PCDH15: variants seen among roughly 807,000 people sequenced by gnomAD.
PCDH15 encodes the protein protocadherin-15.
PCDH15 carries 129 observed loss-of-function variants against 178.5 expected under a neutral mutation model. The ratio of observed to expected loss-of-function variants is 0.72; its 90% CI spans 0.63 to 0.84. The LOEUF (loss-of-function observed/expected upper bound fraction) is 0.84, where lower values mean the gene tolerates loss of function less well. Among genes scored for constraint, PCDH15 ranks in the 40% least tolerant of loss-of-function variants. The pLI, the probability that PCDH15 is intolerant of heterozygous loss-of-function variation, is 0.00. For synonymous variants in PCDH15, 800 were observed against 732.0 expected (o/e 1.09, Z -1.50); for missense variants, 2,230 against 2,099.9 (o/e 1.06, Z -1.21).
upstream of PCDH15, among the ~76,000 whole-genome samples, chr10:55,322,129 C>T (rs1843917251): frequency 6.6e-6 from 1 of 152,184 alleles, no homozygotes; most frequent in East Asian, 1.9e-4. Context: ...ATCCCCCACA[C>T]TGTTCTTGGG....
At chr10:53,873,989 C>T (rs2080047701) in intron 26 of PCDH15, among the ~76,000 whole-genome samples, 2 of 152,124 alleles carry the variant, frequency 1.3e-5, no homozygotes, top group South Asian at 4.1e-4. Context: ...GGCTTCCCTG[C>T]CTCCAGAACT....
At chr10:55,432,114 C>CACACACACACAA (rs71014487) in intron 2 of PCDH15, among the ~76,000 whole-genome samples, 1 of 146,990 alleles carries the variant, frequency 6.8e-6, no homozygotes, top group Non-Finnish European at 1.5e-5. Context: ...CACACACACA[C>CACACACACACAA]CACAAGTCTC....
rs181455045 is a variant in PCDH15 at position 55,460,796 on chromosome 10, T to C, written c.-156+166829A>G. On this transcript the variant is annotated intron_variant, in intron 2 of 5. Transcript: ENST00000613346. ...TGTATGCCAGACATTGTATATTTTA[T>C]CTCATTCAGTGCTGGATATTTTTCT... Among the ~76,000 whole-genome samples, 370 of 152,232 alleles carry C rather than the reference T, an allele frequency of 2.4e-3. 3 individuals are homozygous for C. The highest frequency in any genetic ancestry group is 8.6e-3 in the African/African-American group (359 of 41,552).
intron 2 of PCDH15, among the ~76,000 whole-genome samples, chr10:54,918,172 C>G (rs764321441): frequency 7.9e-5 from 12 of 152,082 alleles, no homozygotes; most frequent in Admixed American, 2.0e-4. Flanking sequence ...TGACCATACG[C>G]TTCTATTAAT....
chr10:54,996,758 T>C (rs571528476), intron 2 of PCDH15, among the ~76,000 whole-genome samples: 33 of 152,296 alleles, frequency 2.2e-4, no homozygotes, highest in Admixed American at 3.3e-4. Context: ...CATGATGTTC[T>C]TCTGAGATGC....
intron 1 of PCDH15, among the ~76,000 whole-genome samples, chr10:54,761,847 G>A (rs1280723490): frequency 6.6e-6 from 1 of 152,164 alleles, no homozygotes; most frequent in Non-Finnish European, 1.5e-5. Context: ...AAGCTTTGCA[G>A]AGGAGCTTTT....
Position 55,538,895 on chromosome 10 carries a change from C to T in PCDH15, c.-156+88730G>A, listed in dbSNP as rs1292286765. Among the ~76,000 whole-genome samples the T allele has an allele frequency of 7.6e-5, 4 of 52,660 alleles. 1 individual carries two copies. Among genetic ancestry groups the T allele is most frequent in the African/African-American group, 3.7e-4 (4 of 10,868 alleles). 34.5% of individuals were successfully genotyped at this position (52,660 alleles called of 152,430 possible). On this transcript the variant is annotated intron_variant, in intron 2 of 5. Transcript: ENST00000613346. ...CTTCCTTCCTCCCTTCCTTCCTTTCCTTCCTTCCTTCCTCCTTTCCTTCCT... is the reference window on the plus strand; with the variant it reads ...CTTCCTTCCTCCCTTCCTTCCTTTCTTTCCTTCCTTCCTCCTTTCCTTCCT...
intron 2 of PCDH15, among the ~76,000 whole-genome samples, chr10:55,077,398 T>TCTTCCTTCCCTCCTTCCTTC (rs1841923657): frequency 7.3e-6 from 1 of 137,530 alleles, no homozygotes; most frequent in African/African-American, 2.9e-5. Flanking sequence ...TGGTTTTCTC[T>TCTTCCTTCCCTCCTTCCTTC]CTTCCTTCCT....
At chr10:54,009,959 A>C (rs2092519814) in intron 20 of PCDH15, among the ~76,000 whole-genome samples, 1 of 152,180 alleles carries the variant, frequency 6.6e-6, no homozygotes, top group South Asian at 2.1e-4. Flanking sequence ...TGGAGGCCAG[A>C]CTTGCATGCC....
At chr10:54,019,153 A>G (rs2092833673) in intron 20 of PCDH15, among the ~76,000 whole-genome samples, 1 of 152,090 alleles carries the variant, frequency 6.6e-6, no homozygotes, top group Non-Finnish European at 1.5e-5. Context: ...GGAAGCAGAA[A>G]AAAACACTTT....
intron 2 of PCDH15, among the ~76,000 whole-genome samples, chr10:55,029,083 G>A (rs1480888884): frequency 2.6e-5 from 4 of 151,876 alleles, no homozygotes; most frequent in Admixed American, 1.3e-4. Flanking sequence ...GTAACTTGCT[G>A]TAAGTTGCCC....
At chr10:54,928,989 G>A (rs2131850972) in intron 2 of PCDH15, among the ~76,000 whole-genome samples, 1 of 152,290 alleles carries the variant, frequency 6.6e-6, no homozygotes, top group Admixed American at 6.5e-5. Flanking sequence ...GTTGTCTGGA[G>A]GAAAGAATGT....
intron 3 of PCDH15, among the ~76,000 whole-genome samples, chr10:54,382,058 C>A (rs529059102): frequency 2.0e-5 from 3 of 152,088 alleles, no homozygotes; most frequent in African/African-American, 4.8e-5. Context: ...AAAACAATCA[C>A]AATCGTGTTA....
At chr10:54,766,575 G>A (rs1193066573) in intron 1 of PCDH15, among the ~76,000 whole-genome samples, 1 of 151,550 alleles carries the variant, frequency 6.6e-6, no homozygotes, top group Non-Finnish European at 1.5e-5. Flanking sequence ...TTCTCTAAAT[G>A]TATCACATAG....
At chr10:54,626,219 G>T (rs796355336) in intron 2 of PCDH15, among the ~76,000 whole-genome samples, 10 of 152,286 alleles carry the variant, frequency 6.6e-5, no homozygotes, top group African/African-American at 2.4e-4. Context: ...GCAGCCTAAT[G>T]ATGTGATAGA....
intron 1 of PCDH15, among the ~76,000 whole-genome samples, chr10:54,775,860 T>C (rs958407659): frequency 2.6e-5 from 4 of 152,162 alleles, no homozygotes; most frequent in Non-Finnish European, 5.9e-5. Flanking sequence ...CACTCCAGCC[T>C]GGGCGACAGA....
At chr10:54,665,681 T>A (rs922234286) in intron 1 of PCDH15, among the ~76,000 whole-genome samples, 1 of 152,054 alleles carries the variant, frequency 6.6e-6, no homozygotes, top group Non-Finnish European at 1.5e-5. Context: ...CTGCTCTAGA[T>A]CACACACATT....
At chr10:55,306,425 G>A (rs532548768) in intron 1 of PCDH15, among the ~76,000 whole-genome samples, 1 of 152,184 alleles carries the variant, frequency 6.6e-6, no homozygotes, top group South Asian at 2.1e-4. Flanking sequence ...AACTAATGAG[G>A]GGATCTTTTT....
intron 2 of PCDH15, among the ~76,000 whole-genome samples, chr10:55,602,287 G>A (rs1218260538): frequency 6.6e-6 from 1 of 152,132 alleles, no homozygotes; most frequent in Non-Finnish European, 1.5e-5. Flanking sequence ...ACATCAAACT[G>A]CAAGGCGGCA....
Sources: gnomAD v4.1 joint callset for allele counts (sites outside exome capture counted in the v4.1 genomes callset) on GRCh38, gnomAD v4.1.1 for gene constraint, MANE v1.5 for transcripts, NCBI Gene and HGNC (gene_info 2026-07-23, HGNC 2026-07-21) for gene names.